Variants in USP11 observed in about 807,000 individuals in gnomAD.
The protein encoded by USP11 is ubiquitin specific peptidase 11.
A neutral mutation model predicts 72.8 loss-of-function variants in USP11; 5 were observed. The observed-to-expected ratio is 0.07, with a 90% CI of 0.04 to 0.14. The LOEUF is 0.14. Among genes scored for constraint, USP11 ranks in the 10% least tolerant of loss-of-function variants. The pLI is 1.00. For missense variants in USP11, 480 were observed against 794.7 expected, an observed-to-expected ratio of 0.60 and a Z score of 4.76; for synonymous variants, 368 against 326.5, an observed-to-expected ratio of 1.13 and a Z score of -1.37.
intron 1 of USP11, among the ~76,000 whole-genome samples, chrX:47,238,562 ATTCTT>A (rs1304965292): frequency 4.2e-5 from 4 of 94,266 alleles, no homozygotes; most frequent in African/African-American, 1.7e-4. Flanking sequence ...AGCATTTTAA[ATTCTT>A]TGCTCCTTTT....
intron 1 of USP11, among the ~76,000 whole-genome samples, chrX:47,238,413 C>T (rs983678201): frequency 5.6e-5 from 6 of 107,763 alleles, no homozygotes; most frequent in Non-Finnish European, 7.7e-5. Flanking sequence ...GTCTTGAACT[C>T]CTGACCTCAG....
At chrX:47,243,626 TG>T (rs778444389) in intron 13 of USP11, 24 bp downstream of exon 13, 8 of 1,193,543 alleles carry the variant, frequency 6.7e-6, no homozygotes, top group Non-Finnish European at 3.4e-6. Flanking sequence ...TCCCCGGGGG[TG>T]GGGGGCGGAG....
chrX:47,233,681 T>C (rs1194372390), intron 1 of USP11: 2 of 368,017 alleles, frequency 5.4e-6, no homozygotes, highest in Middle Eastern at 1.7e-3. Flanking sequence ...AGCCGAACGG[T>C]CCGAGGGAGG....
intron 2 of USP11, 69 bp from the exon 3 acceptor site, chrX:47,239,282 G>A: frequency 5.1e-6 from 6 of 1,183,526 alleles, no homozygotes; most frequent in Non-Finnish European, 6.8e-6. Flanking sequence ...TCACTGGTGG[G>A]GTGGCCAGAG....
intron 17 of USP11, among the ~76,000 whole-genome samples, chrX:47,245,835 C>T (rs1301416026): frequency 9.0e-6 from 1 of 111,568 alleles, no homozygotes; most frequent in African/African-American, 3.3e-5. Flanking sequence ...TGAGCCACCA[C>T]ACCTGGCCTA....
intron 4 of USP11, 127 bp downstream of exon 4, chrX:47,240,034 A>G (rs1189510909): frequency 2.5e-6 from 2 of 784,525 alleles, no homozygotes; most frequent in African/African-American, 4.1e-5. Context: ...GAAGACCCAG[A>G]AGGCATTGGC....
rs1358629004 is a variant in USP11 at position 47,242,300 on chromosome X, A to T, written c.1398A>T (p.Pro466=). ...FFIPMDPRRK[P]EQHRLVVPKK... is the part of the protein sequence containing the mutation. ...TCCCCATGGATCCGCGCCGCAAGCC[A>T]GAGCAGGTGTGGGGCAGTGGGGGCC... The change falls in exon 10 of 21, where the codon CCA becomes CCT. Residue 466 remains proline (P), a synonymous_variant. Coordinates refer to ENST00000377107, the MANE Select transcript of USP11 (RefSeq NM_001371072.1). 6.6e-6 allele frequency: 8 copies of T among 1,210,281 alleles called. No individual in the cohort carries two copies. The highest frequency in any genetic ancestry group is 8.9e-6 in the Non-Finnish European group (8 of 895,086).
At chrX:47,242,853 T>G in intron 12 of USP11, 133 bp downstream of exon 12, 1 of 507,551 alleles carries the variant, frequency 2.0e-6, no homozygotes, top group Non-Finnish European at 3.4e-6. Context: ...TGCGCAGAGC[T>G]TCAGCCACAT....
At chrX:47,242,942 T>A (rs779420020) in intron 12 of USP11, among the ~76,000 whole-genome samples, 3 of 111,029 alleles carry the variant, frequency 2.7e-5, no homozygotes, top group Admixed American at 9.5e-5. Flanking sequence ...TGCACTCCAG[T>A]CTGGGCGACA....
Position 47,242,473 on chromosome X carries a change from C to G in USP11, c.1439C>G (p.Ser480Trp), listed in dbSNP as rs141092127. The G allele has an allele frequency of 8.3e-7, 1 of 1,210,521 alleles. No individual in the cohort carries two copies. Among genetic ancestry groups the G allele is most frequent in the South Asian group, 1.8e-5 (1 of 56,878 alleles). Residue 480 changes from serine (S) to tryptophan (W), a missense_variant, in exon 11 of 21, where the codon TCG (serine) becomes TGG (tryptophan). By Grantham distance (177) the Ser-to-Trp change is radical (BLOSUM62 -3). Transcript: ENST00000377107. Reference protein sequence around the residue: ...RLVVPKKGKISDLCVALSKHT... With the variant: ...RLVVPKKGKIWDLCVALSKHT... Reference sequence around the variant, plus strand: ...GTGGTCCCCAAGAAAGGCAAGATCTCGGATCTATGTGTGGCTCTGTCCAAA... The same window carrying G: ...GTGGTCCCCAAGAAAGGCAAGATCTGGGATCTATGTGTGGCTCTGTCCAAA...
chrX:47,245,506 T>G (rs1398007002), intron 17 of USP11, 24 bp downstream of exon 17: 1 of 1,051,362 alleles, frequency 9.5e-7, no homozygotes, highest in Non-Finnish European at 1.3e-6. Context: ...GCGGGGCCTG[T>G]GTGTGGGGGT....
chrX:47,237,372 A>G (rs1177376196), intron 1 of USP11, among the ~76,000 whole-genome samples: 2 of 110,864 alleles, frequency 1.8e-5, no homozygotes, highest in Admixed American at 1.9e-4. Flanking sequence ...AACAAAACCA[A>G]CAAAAAACCC....
Position 47,248,229 on chromosome X carries a change from T to A in USP11, c.*299T>A. 1 of 307,673 alleles carries A rather than the reference T, an allele frequency of 3.3e-6. No individual in the cohort carries two copies. The highest frequency in any genetic ancestry group is 6.0e-5 in the South Asian group (1 of 16,538). The allele number at this position is 307,673 out of a possible 1,213,427, so 25.4% of individuals were successfully genotyped here. A position where few individuals can be genotyped will look rare whatever the true frequency, so the allele number is the denominator to read the frequency against. On this transcript the variant is annotated 3_prime_UTR_variant, in exon 21 of 21. Transcript: ENST00000377107. ...CTCAGCCCAGAGTGTTCTGCGTGGG[T>A]GGTGATGGGGGTTCACCTGAACACA...
intron 7 of USP11, 59 bp downstream of exon 7, chrX:47,240,935 A>G (rs1569235412): frequency 9.1e-7 from 1 of 1,095,016 alleles, no homozygotes; most frequent in East Asian, 3.2e-5. Flanking sequence ...AGAGCTGAGG[A>G]TTGGGGACAG....
intron 13 of USP11, 131 bp downstream of exon 13, chrX:47,243,733 C>A: frequency 1.5e-6 from 1 of 665,506 alleles, no homozygotes; most frequent in Non-Finnish European, 2.2e-6. Flanking sequence ...CATAGAAGAA[C>A]TTGTAGGGTT....
intron 9 of USP11, 142 bp from the exon 10 acceptor site, chrX:47,241,940 T>C: frequency 1.3e-6 from 1 of 742,771 alleles, no homozygotes; most frequent in South Asian, 2.6e-5. Flanking sequence ...ACCGTGAACA[T>C]AGTCTCTGTG....
At position 47,239,490 on chromosome X, in the gene USP11, G is replaced by C; in HGVS notation, c.417+9G>C. On this transcript the variant is annotated intron_variant, in intron 3 of 20. Transcript: ENST00000377107. ...CACCCATTGAACGCAAGGTATAATG[G>C]ATGGGGAGGGTGCATGGCGGGGAGT... 2.5e-6 allele frequency: 3 copies of C among 1,210,809 alleles called. No individual in the cohort carries two copies. Among genetic ancestry groups the C allele is most frequent in the Non-Finnish European group, 2.2e-6 (2 of 895,380 alleles).
chrX:47,247,994 G>A lies in USP11; in HGVS notation c.*64G>A. 2 of 1,124,948 alleles carry A rather than the reference G, an allele frequency of 1.8e-6. No homozygotes were observed. The highest frequency in any genetic ancestry group is 1.2e-6 in the Non-Finnish European group (1 of 860,930). 92.7% of individuals were successfully genotyped at this position (1,124,948 alleles called of 1,213,427 possible). Reference sequence around the variant, plus strand: ...CCCTCTCTGCAATCTCGCTTCTCGTGTCCGCCCCGCTTCTCTTATTCGTGT... The same window carrying A: ...CCCTCTCTGCAATCTCGCTTCTCGTATCCGCCCCGCTTCTCTTATTCGTGT... On this transcript the variant is annotated 3_prime_UTR_variant, in exon 21 of 21. Coordinates refer to ENST00000377107, the MANE Select transcript of USP11 (RefSeq NM_001371072.1).
intron 19 of USP11, 33 bp downstream of exon 19, chrX:47,247,452 G>T: frequency 8.3e-7 from 1 of 1,197,960 alleles, no homozygotes. Context: ...GGCCTGCCCT[G>T]GGGGTTCTGG....
Sources: allele counts gnomAD v4.1 joint callset (sites outside exome capture counted in the v4.1 genomes callset), GRCh38; gene constraint gnomAD v4.1.1; transcripts MANE v1.5; gene names NCBI Gene and HGNC (gene_info 2026-07-23, HGNC 2026-07-21).